The following FMNL3 variants were observed in gnomAD, a reference collection of about 807,000 sequenced individuals.
The protein encoded by FMNL3 is formin like 3.
Under a neutral mutation model 119.6 loss-of-function variants are expected in FMNL3, and 57 were observed. The ratio of observed to expected loss-of-function variants is 0.48; its 90% CI spans 0.39 to 0.59. The LOEUF (loss-of-function observed/expected upper bound fraction) is 0.59, where lower values mean the gene tolerates loss of function less well. FMNL3 is among the 20% of genes least tolerant of loss of function. FMNL3 has a pLI of 0.00. For synonymous variants in FMNL3, 491 were observed against 507.3 expected (o/e 0.97, Z 0.43); for missense variants, 1,053 against 1,323.5 (o/e 0.80, Z 3.17).
intron 6 of FMNL3, among the ~76,000 whole-genome samples, chr12:49,657,963 G>T (rs1943621007): frequency 6.6e-6 from 1 of 152,186 alleles, no homozygotes; most frequent in Admixed American, 6.5e-5. Flanking sequence ...GCCTCAGAGA[G>T]AAAGGCCTGA....
chr12:49,649,733 G>A lies in FMNL3; in HGVS notation c.2193C>T (p.Ala731=), dbSNP rs1419268894. 6.2e-7 allele frequency: 1 copy of A among 1,614,216 alleles called. No individual in the cohort carries two copies. The highest frequency in any genetic ancestry group is 2.2e-5 in the East Asian group (1 of 44,892). The change falls in exon 18 of 26, where the codon GCC becomes GCT. Residue 731 remains alanine, a synonymous_variant. Transcript: ENST00000335154. This position sits in a 1 kb window ranked among gnomAD's most constrained non-coding sequence, Gnocchi z 5.6. ...ERLTQRMAGM[A]FLGNFQDNLQ... is the part of the protein sequence containing the mutation. Reference sequence around the variant, plus strand: ...GGTTATCCTGGAAGTTCCCCAGGAAGGCCATGCCAGCCATTCGCTGGGTCA... The same window carrying A: ...GGTTATCCTGGAAGTTCCCCAGGAAAGCCATGCCAGCCATTCGCTGGGTCA...
intron 1 of FMNL3, among the ~76,000 whole-genome samples, chr12:49,673,888 T>A (rs1368136418): frequency 6.6e-6 from 1 of 152,182 alleles, no homozygotes; most frequent in Non-Finnish European, 1.5e-5. Context: ...ACTGCAATCC[T>A]TTGTAAAAGG....
At position 49,647,055 on chromosome 12, in the gene FMNL3, T is replaced by G. The variant is rs1450557800; in HGVS notation, c.2872-46A>C. On this transcript the variant is annotated intron_variant, in intron 24 of 25. Transcript: ENST00000335154. The surrounding 1 kb of genome is among the most constrained non-coding windows in gnomAD (Gnocchi z 4.9). The stretch of plus-strand genomic sequence containing the variant: ...GGGAAGGAAGTCATCACTAACCTAA[T>G]GTGGGACTGGTTCCTGCCCCAAGGT... 6.2e-7 allele frequency: 1 copy of G among 1,612,468 alleles called. No individual in the cohort carries two copies. Among genetic ancestry groups the G allele is most frequent in the Middle Eastern group, 1.7e-4 (1 of 6,048 alleles).
Position 49,649,328 on chromosome 12 carries a change from T to C in FMNL3, c.2316A>G (p.Ala772=), listed in dbSNP as rs758599041. The stretch of plus-strand genomic sequence containing the variant: ...TGCTGCTGTTCATGTAGTTCCCCAG[T>C]GCAAGTATGATCTGTCCAAAGAATG... ...KLKQMLEIIL[A]LGNYMNSSKR... is the part of the protein sequence containing the mutation. Residue 772 remains alanine (A), a synonymous_variant, in exon 20 of 26, where the codon GCA becomes GCG. Coordinates refer to ENST00000335154, the MANE Select transcript of FMNL3 (RefSeq NM_175736.5). This position sits in a 1 kb window ranked among gnomAD's most constrained non-coding sequence, Gnocchi z 5.6. The C allele has an allele frequency of 1.2e-6, 2 of 1,614,120 alleles. No individual in the cohort carries two copies. Among genetic ancestry groups the C allele is most frequent in the Non-Finnish European group, 8.5e-7 (1 of 1,180,024 alleles).
chr12:49,670,062 T>C (rs1200629608), intron 1 of FMNL3, among the ~76,000 whole-genome samples: 1 of 152,222 alleles, frequency 6.6e-6, no homozygotes, highest in Non-Finnish European at 1.5e-5. Context: ...CTGCCTCTCA[T>C]CTTTCTCTCC....
chr12:49,700,966 C>A (rs1944893998), intron 1 of FMNL3, among the ~76,000 whole-genome samples: 1 of 147,968 alleles, frequency 6.8e-6, no homozygotes, highest in Non-Finnish European at 1.5e-5. Context: ...GTAATCCCAG[C>A]TACTTGGGAG....
intron 1 of FMNL3, among the ~76,000 whole-genome samples, chr12:49,676,520 G>GTTTTTTT (rs58117011): frequency 4.9e-4 from 50 of 102,984 alleles, no homozygotes; most frequent in East Asian, 9.3e-4. Context: ...TTCATAGTGG[G>GTTTTTTT]TTTTTTTTTT....
In FMNL3 at chr12:49,645,117, A is replaced by C. The variant is rs1010764102; in HGVS notation, c.*698T>G. 2 of 151,632 alleles carry C rather than the reference A, an allele frequency of 1.3e-5. No homozygotes were observed. Among genetic ancestry groups the C allele is most frequent in the African/African-American group, 4.8e-5 (2 of 41,272 alleles). 9.4% of individuals were successfully genotyped at this position (151,632 alleles called of 1,614,324 possible). A position where few individuals can be genotyped will look rare whatever the true frequency, so the allele number is the denominator to read the frequency against. On this transcript the variant is annotated 3_prime_UTR_variant, in exon 26 of 26. Coordinates refer to ENST00000335154, the MANE Select transcript of FMNL3 (RefSeq NM_175736.5). ...CTTGTCCCCTGCCAAAAAAAAAAAAAAAAAAAAAAAAACCGTAGCTGAGGA... is the reference window on the plus strand; with the variant it reads ...CTTGTCCCCTGCCAAAAAAAAAAAACAAAAAAAAAAAACCGTAGCTGAGGA...
At position 49,642,263 on chromosome 12, in the gene FMNL3, G is replaced by A; in HGVS notation, c.*3552C>T. The stretch of plus-strand genomic sequence containing the variant: ...CTGGAGAAAGCAGAGGCACGGGAGA[G>A]GGAGCGGGAGAAGGAGGAGGCACGC... On this transcript the variant is annotated 3_prime_UTR_variant, in exon 26 of 26. Coordinates refer to ENST00000335154, the MANE Select transcript of FMNL3 (RefSeq NM_175736.5). This position sits in a 1 kb window ranked among gnomAD's most constrained non-coding sequence, Gnocchi z 5.8. 6.2e-7 allele frequency: 1 copy of A among 1,614,190 alleles called. No homozygotes were observed. Among genetic ancestry groups the A allele is most frequent in the Non-Finnish European group, 8.5e-7 (1 of 1,180,022 alleles).
rs748907061 is a variant in FMNL3, at chr12:49,648,325, C to T, written c.2544G>A (p.Val848=). 3 of 1,613,244 alleles carry T rather than the reference C, an allele frequency of 1.9e-6. No individual in the cohort carries two copies. The highest frequency in any genetic ancestry group is 2.5e-6 in the Non-Finnish European group (3 of 1,179,520). The change falls in exon 22 of 26, where the codon GTG becomes GTA. Residue 848 remains valine, a synonymous_variant. Coordinates refer to ENST00000335154, the MANE Select transcript of FMNL3 (RefSeq NM_175736.5). The stretch of plus-strand genomic sequence containing the variant: ...GCTCCATGCCCCGGCCCAGCTCCTT[C>T]ACGTCCAGCAGCACGTTCTCCAGGG... ...AVSLENVLLD[V]KELGRGMELI... is the part of the protein sequence containing the mutation.
chr12:49,645,038 C>A lies in FMNL3; in HGVS notation c.*777G>T, dbSNP rs1943111746. 1 of 148,010 alleles carries A rather than the reference C, an allele frequency of 6.8e-6. No homozygotes were observed. Among genetic ancestry groups the A allele is most frequent in the South Asian group, 2.1e-4 (1 of 4,734 alleles). The allele number at this position is 148,010 out of a possible 1,614,324, so 9.2% of individuals were successfully genotyped here. On this transcript the variant is annotated 3_prime_UTR_variant, in exon 26 of 26. Coordinates refer to ENST00000335154, the MANE Select transcript of FMNL3 (RefSeq NM_175736.5). Reference sequence around the variant, plus strand: ...AAAAAGTGGGCCCCCACATTCCCTTCCAGGGGCAGAGGAGAAACGGGAAGG... The same window carrying A: ...AAAAAGTGGGCCCCCACATTCCCTTACAGGGGCAGAGGAGAAACGGGAAGG...
intron 1 of FMNL3, among the ~76,000 whole-genome samples, chr12:49,678,608 A>G (rs1944257570): frequency 6.6e-6 from 1 of 151,920 alleles, no homozygotes; most frequent in South Asian, 2.1e-4. Flanking sequence ...GACTACAGGT[A>G]CTCATCACCA....
rs772340742 is a variant in FMNL3, at chr12:49,649,099, T to G, written c.2445A>C (p.Thr815=). 1 of 1,613,764 alleles carries G rather than the reference T, an allele frequency of 6.2e-7. No individual in the cohort carries two copies. The change falls in exon 21 of 26, where the codon ACA becomes ACC. Residue 815 remains threonine, a synonymous_variant. Transcript: ENST00000335154. The surrounding 1 kb of genome is among the most constrained non-coding windows in gnomAD (Gnocchi z 5.6). ...KMTLLHFIAL[T]VKEKYPDLAN... is the part of the protein sequence containing the mutation. ...CCAGGTCTGGGTATTTCTCCTTCAC[T>G]GTCAAGGCGATGAAATGAAGCAGTG...
At position 49,642,046 on chromosome 12, in the gene FMNL3, G is replaced by C. The variant is rs992411031; in HGVS notation, c.*3769C>G. ...TAGTGTGAGGGGCTGGGCGGGGCGTGGGAAGTTCTCTAATTCATCTGTGTC... is the reference window on the plus strand; with the variant it reads ...TAGTGTGAGGGGCTGGGCGGGGCGTCGGAAGTTCTCTAATTCATCTGTGTC... On this transcript the variant is annotated 3_prime_UTR_variant, in exon 26 of 26. Coordinates refer to ENST00000335154, the MANE Select transcript of FMNL3 (RefSeq NM_175736.5). The surrounding 1 kb of genome is among the most constrained non-coding windows in gnomAD (Gnocchi z 5.8). 1.1e-5 allele frequency: 18 copies of C among 1,609,276 alleles called. No homozygotes were observed. In the Middle Eastern group the frequency reaches 6.6e-4, roughly 59 times the overall value.
At position 49,643,506 on chromosome 12, in the gene FMNL3, C is replaced by T. The variant is rs1942943870; in HGVS notation, c.*2309G>A. On this transcript the variant is annotated 3_prime_UTR_variant, in exon 26 of 26. Transcript: ENST00000335154. ...AGGGTAGACTGGATTGGGAGGGCTGCACCTGTGGAAGTAGAAAGAACTTCC... is the reference window on the plus strand; with the variant it reads ...AGGGTAGACTGGATTGGGAGGGCTGTACCTGTGGAAGTAGAAAGAACTTCC... 2 of 1,438,144 alleles carry T rather than the reference C, an allele frequency of 1.4e-6. No individual in the cohort carries two copies. Among genetic ancestry groups the T allele is most frequent in the Admixed American group, 4.8e-5 (2 of 42,104 alleles). The allele number at this position is 1,438,144 out of a possible 1,614,324, so 89.1% of individuals were successfully genotyped here.
At chr12:49,651,903 C>A in intron 14 of FMNL3, 30 bp downstream of exon 14, 1 of 1,544,000 alleles carries the variant, frequency 6.5e-7, no homozygotes, top group South Asian at 1.2e-5. Context: ...GAGGCTGCCC[C>A]TGTTGGCTCC....
chr12:49,637,106 G>A lies in FMNL3; in HGVS notation c.*8709C>T, dbSNP rs970026171. ...GAGAGCACCCTACAGGCATGACTTG[G>A]CAGCTAGGCCATGTTTATTTCCCTT... On this transcript the variant is annotated 3_prime_UTR_variant, in exon 26 of 26. Transcript: ENST00000335154. 1.5e-5 allele frequency: 9 copies of A among 596,776 alleles called. No individual in the cohort carries two copies. Among genetic ancestry groups the A allele is most frequent in the Non-Finnish European group, 2.6e-5 (9 of 342,166 alleles). The allele number at this position is 596,776 out of a possible 1,614,324, so 37.0% of individuals were successfully genotyped here. A position where few individuals can be genotyped will look rare whatever the true frequency, so the allele number is the denominator to read the frequency against.
chr12:49,646,335 G>A (rs1233858986), intron 25 of FMNL3, among the ~76,000 whole-genome samples: 1 of 152,058 alleles, frequency 6.6e-6, no homozygotes, highest in Non-Finnish European at 1.5e-5. Flanking sequence ...TCAAAGATCA[G>A]AACTGTAGGT....
At chr12:49,657,246 AG>A (rs1772129029) in intron 6 of FMNL3, 56 bp from the exon 7 acceptor site, 2 of 1,350,426 alleles carry the variant, frequency 1.5e-6, no homozygotes, top group East Asian at 2.3e-5. Context: ...TGAAGCATCT[AG>A]GGACACTCAC....
Sources: gnomAD v4.1 joint callset for allele counts (sites outside exome capture counted in the v4.1 genomes callset) on GRCh38, gnomAD v4.1.1 for gene constraint, Gnocchi (gnomAD v3.1) non-coding constraint, MANE v1.5 for transcripts, NCBI Gene and HGNC (gene_info 2026-07-23, HGNC 2026-07-21) for gene names.